LRRC1: variants seen among roughly 807,000 people sequenced by gnomAD.
LRRC1 encodes leucine rich repeat containing 1.
Under a neutral mutation model 69.9 loss-of-function variants are expected in LRRC1, and 28 were observed. The observed-to-expected ratio is 0.40, with a 90% CI of 0.30 to 0.55. The LOEUF is 0.55. Among genes scored for constraint, LRRC1 ranks in the 20% least tolerant of loss-of-function variants. The probability of loss-of-function intolerance (pLI) is 0.47; values close to 1 mark genes in which losing one functional copy is unlikely to be tolerated. For missense variants in LRRC1, 498 were observed against 609.0 expected (o/e 0.82, Z 1.92); for synonymous variants, 236 against 240.2 (o/e 0.98, Z 0.16).
chr6:53,920,016 GTTTTTA>G (rs1285201000), intron 12 of LRRC1, among the ~76,000 whole-genome samples: 1 of 152,224 alleles, frequency 6.6e-6, no homozygotes, highest in East Asian at 1.9e-4. Flanking sequence ...CTGGCATACT[GTTTTTA>G]AGCCATTGAA....
chr6:53,846,213 A>G (rs1765938522), intron 2 of LRRC1, among the ~76,000 whole-genome samples: 1 of 152,188 alleles, frequency 6.6e-6, no homozygotes, highest in Admixed American at 6.5e-5. Flanking sequence ...GTTTTCTGAC[A>G]TTTTAGGCGC....
rs1037184344 is a variant in LRRC1, at chr6:53,922,526, A to G, written c.1417-109A>G. On this transcript the variant is annotated intron_variant, in intron 13 of 13. Coordinates refer to ENST00000370888, the MANE Select transcript of LRRC1 (RefSeq NM_018214.5). ...GAAAGCTTTTCCACCCATTTTAAGAATTTCTAAGAAGGTAACATTTGTATT... is the reference window on the plus strand; with the variant it reads ...GAAAGCTTTTCCACCCATTTTAAGAGTTTCTAAGAAGGTAACATTTGTATT... 4.0e-6 allele frequency: 4 copies of G among 1,001,774 alleles called. No homozygotes were observed. The South Asian group carries it at 7.8e-5, about 19-fold the overall frequency. The allele number at this position is 1,001,774 out of a possible 1,614,324, so 62.1% of individuals were successfully genotyped here.
intron 1 of LRRC1, among the ~76,000 whole-genome samples, chr6:53,801,374 T>C (rs557549642): frequency 6.6e-6 from 1 of 152,384 alleles, no homozygotes; most frequent in African/African-American, 2.4e-5. Context: ...GTTTACCTTA[T>C]AGTTTTATAA....
At chr6:53,861,592 A>G (rs1017246195) in intron 2 of LRRC1, among the ~76,000 whole-genome samples, 2 of 151,806 alleles carry the variant, frequency 1.3e-5, no homozygotes, top group Admixed American at 6.6e-5. Flanking sequence ...ACCAGTGGTT[A>G]TATTAAACCT....
At chr6:53,837,623 C>G (rs954516802) in intron 1 of LRRC1, among the ~76,000 whole-genome samples, 13 of 152,104 alleles carry the variant, frequency 8.5e-5, no homozygotes, top group African/African-American at 2.9e-4. Flanking sequence ...TATGTTTTCT[C>G]TATATTGCAG....
chr6:53,853,674 A>G (rs1443306014), intron 2 of LRRC1, among the ~76,000 whole-genome samples: 1 of 152,216 alleles, frequency 6.6e-6, no homozygotes, highest in Non-Finnish European at 1.5e-5. Context: ...TTTCTGGGGT[A>G]ACTGTTGTGC....
At chr6:53,891,998 AAATAT>A (rs1381993843) in intron 4 of LRRC1, among the ~76,000 whole-genome samples, 5 of 88,352 alleles carry the variant, frequency 5.7e-5, no homozygotes, top group East Asian at 5.3e-4. Context: ...TCTAAAAAAA[AAATAT>A]ATATATATAC....
At chr6:53,919,380 T>G (rs1305450564) in intron 11 of LRRC1, 118 bp from the exon 12 acceptor site, 1 of 854,520 alleles carries the variant, frequency 1.2e-6, no homozygotes, top group Non-Finnish European at 1.7e-6. Flanking sequence ...TTTTTACATT[T>G]TGAAACCAAT....
intron 2 of LRRC1, among the ~76,000 whole-genome samples, chr6:53,862,643 G>A (rs1468756307): frequency 2.6e-5 from 4 of 152,122 alleles, no homozygotes; most frequent in African/African-American, 4.8e-5. Context: ...TACAAAGGCC[G>A]TCTCTCTTTC....
intron 8 of LRRC1, among the ~76,000 whole-genome samples, chr6:53,900,186 C>T (rs773875150): frequency 3.9e-5 from 6 of 151,980 alleles, no homozygotes; most frequent in African/African-American, 7.2e-5. Flanking sequence ...CACAGGCGCC[C>T]GCCACCACGC....
chr6:53,835,089 T>A (rs1765575409), intron 1 of LRRC1, among the ~76,000 whole-genome samples: 1 of 152,166 alleles, frequency 6.6e-6, no homozygotes, highest in Admixed American at 6.5e-5. Context: ...ACATCTTTAT[T>A]AAGATATAAT....
intron 10 of LRRC1, among the ~76,000 whole-genome samples, chr6:53,913,010 C>T (rs558567953): frequency 5.3e-5 from 8 of 152,216 alleles, no homozygotes; most frequent in South Asian, 2.1e-4. Context: ...TAAAAACCAC[C>T]GCCAATTTGT....
Position 53,882,977 on chromosome 6 carries a change from G to A in LRRC1, c.446+1G>A. On this transcript the variant is annotated splice_donor_variant, in intron 4 of 13. Transcript: ENST00000370888. LOFTEE classifies it high-confidence loss of function. Reference sequence around the variant, plus strand: ...AGTCTCTACCTGAAAATATTGGCAAGTAAGTTTTTTTGTGAAGTTTGGGTG... The same window carrying A: ...AGTCTCTACCTGAAAATATTGGCAAATAAGTTTTTTTGTGAAGTTTGGGTG... The A allele has an allele frequency of 6.2e-7, 1 of 1,601,192 alleles. No homozygotes were observed. Among genetic ancestry groups the A allele is most frequent in the Non-Finnish European group, 8.5e-7 (1 of 1,171,656 alleles).
chr6:53,813,161 T>C (rs2127406265), intron 1 of LRRC1, among the ~76,000 whole-genome samples: 1 of 152,230 alleles, frequency 6.6e-6, no homozygotes, highest in East Asian at 1.9e-4. Context: ...TAGTGGATTG[T>C]GGCCATGGGA....
intron 2 of LRRC1, among the ~76,000 whole-genome samples, chr6:53,869,525 T>A (rs1462384560): frequency 6.6e-6 from 1 of 152,212 alleles, no homozygotes; most frequent in Non-Finnish European, 1.5e-5. Context: ...GCGGTTTTCT[T>A]AGTGGTACAA....
At chr6:53,906,078 A>G (rs1183742005) in intron 10 of LRRC1, among the ~76,000 whole-genome samples, 1 of 152,242 alleles carries the variant, frequency 6.6e-6, no homozygotes, top group African/African-American at 2.4e-5. Flanking sequence ...TTTTAATGCC[A>G]GGCACTGTAC....
At chr6:53,909,193 A>C (rs1009136186) in intron 10 of LRRC1, among the ~76,000 whole-genome samples, 4 of 152,252 alleles carry the variant, frequency 2.6e-5, no homozygotes, top group African/African-American at 4.8e-5. Flanking sequence ...GGGCTTTTGC[A>C]CTTATTCTTA....
intron 4 of LRRC1, among the ~76,000 whole-genome samples, chr6:53,883,185 C>G (rs1412654026): frequency 1.3e-5 from 2 of 152,176 alleles, no homozygotes; most frequent in African/African-American, 4.8e-5. Context: ...AAGGGTACTG[C>G]TACTTGTTAC....
intron 1 of LRRC1, among the ~76,000 whole-genome samples, chr6:53,840,884 T>TTG (rs57491487): frequency 0.055 from 6,870 of 125,146 alleles, 210 homozygotes; most frequent in African/African-American, 0.078. Context: ...GGGTATGTGT[T>TTG]TGTGTGTGTG....
Sources: gnomAD v4.1 joint callset for allele counts (sites outside exome capture counted in the v4.1 genomes callset) on GRCh38, gnomAD v4.1.1 for gene constraint, MANE v1.5 for transcripts, NCBI Gene and HGNC (gene_info 2026-07-23, HGNC 2026-07-21) for gene names.